Variants in CRACR2A observed in about 807,000 individuals in gnomAD.
The protein encoded by CRACR2A is calcium release activated channel regulator 2A, also known as EF-hand calcium-binding domain-containing protein 4B.
Under a neutral mutation model 90.5 loss-of-function variants are expected in CRACR2A, and 79 were observed. That is an observed-to-expected ratio of 0.87 (90% CI 0.73 to 1.05). The LOEUF (loss-of-function observed/expected upper bound fraction) is 1.05, where lower values mean the gene tolerates loss of function less well. Among genes scored for constraint, CRACR2A ranks in the 50% least tolerant of loss-of-function variants. The probability of loss-of-function intolerance (pLI) is 0.00; values close to 1 mark genes in which losing one functional copy is unlikely to be tolerated. For synonymous variants in CRACR2A, 338 were observed against 356.7 expected, an observed-to-expected ratio of 0.95 and a Z score of 0.59; for missense variants, 823 against 897.2, an observed-to-expected ratio of 0.92 and a Z score of 1.06.
chr12:3,698,022 T>G (rs1299619030), intron 3 of CRACR2A, among the ~76,000 whole-genome samples: 1 of 152,180 alleles, frequency 6.6e-6, no homozygotes, highest in Non-Finnish European at 1.5e-5. Context: ...TCCTTATCTG[T>G]ATGAGGAGAA....
chr12:3,634,897 T>G (rs530169803), intron 14 of CRACR2A, among the ~76,000 whole-genome samples: 1 of 152,314 alleles, frequency 6.6e-6, no homozygotes, highest in South Asian at 2.1e-4. Flanking sequence ...TCAAAAACTA[T>G]GCCTCCTGCC....
At chr12:3,751,002 AT>A (rs1285813322) in intron 1 of CRACR2A, among the ~76,000 whole-genome samples, 1 of 152,214 alleles carries the variant, frequency 6.6e-6, no homozygotes, top group East Asian at 1.9e-4. Flanking sequence ...AATCGCCATC[AT>A]CTTGGTCTCT....
intron 1 of CRACR2A, among the ~76,000 whole-genome samples, chr12:3,737,496 C>A (rs1174504294): frequency 6.6e-6 from 1 of 152,076 alleles, no homozygotes; most frequent in African/African-American, 2.4e-5. Context: ...ATGACTTTGG[C>A]TGCTTGTGGG....
intron 4 of CRACR2A, among the ~76,000 whole-genome samples, chr12:3,693,409 G>A (rs971030148): frequency 6.6e-6 from 1 of 152,234 alleles, no homozygotes; most frequent in Non-Finnish European, 1.5e-5. Context: ...GGACAAGACC[G>A]CCCTGCAGAG....
At chr12:3,637,573 C>T (rs2137351808) in intron 14 of CRACR2A, among the ~76,000 whole-genome samples, 1 of 152,272 alleles carries the variant, frequency 6.6e-6, no homozygotes, top group Non-Finnish European at 1.5e-5. Context: ...TACCAGCTCA[C>T]ATTTCTTTCC....
intron 11 of CRACR2A, among the ~76,000 whole-genome samples, chr12:3,645,310 C>G (rs1440691636): frequency 1.3e-5 from 2 of 152,156 alleles, no homozygotes; most frequent in African/African-American, 4.8e-5. Flanking sequence ...AGAGGAGAGG[C>G]TAGGGCAAAG....
intron 12 of CRACR2A, among the ~76,000 whole-genome samples, chr12:3,642,141 G>A (rs980529827): frequency 6.6e-6 from 1 of 152,108 alleles, no homozygotes; most frequent in Non-Finnish European, 1.5e-5. Flanking sequence ...GAAGAGATAA[G>A]TGTTTAATGC....
intron 8 of CRACR2A, among the ~76,000 whole-genome samples, chr12:3,658,325 G>C (rs980356665): frequency 6.6e-6 from 1 of 152,088 alleles, no homozygotes; most frequent in African/African-American, 2.4e-5. Context: ...ATGCCCCATG[G>C]AGCTCAGCCT....
intron 1 of CRACR2A, among the ~76,000 whole-genome samples, chr12:3,744,903 GCGCAGTATA>G (rs1314778899): frequency 1.3e-5 from 2 of 152,260 alleles, no homozygotes; most frequent in African/African-American, 4.8e-5. Context: ...TACTGCCACT[GCGCAGTATA>G]CTTAAAATGG....
intron 17 of CRACR2A, among the ~76,000 whole-genome samples, chr12:3,620,753 T>C (rs1944114546): frequency 6.6e-6 from 1 of 152,234 alleles, no homozygotes; most frequent in African/African-American, 2.4e-5. Context: ...ATGGTATCTA[T>C]TGGTCAGATG....
chr12:3,630,599 G>C (rs932421920), intron 15 of CRACR2A, among the ~76,000 whole-genome samples: 1 of 152,198 alleles, frequency 6.6e-6, no homozygotes, highest in Non-Finnish European at 1.5e-5. Flanking sequence ...AAGAATGCTG[G>C]ACTCGGAGTC....
intron 2 of CRACR2A, among the ~76,000 whole-genome samples, chr12:3,724,939 A>G (rs1480614132): frequency 6.6e-6 from 1 of 152,172 alleles, no homozygotes; most frequent in African/African-American, 2.4e-5. Context: ...CTATTTTCCA[A>G]AATAGGACAG....
At chr12:3,656,202 G>T in intron 9 of CRACR2A, 109 bp downstream of exon 9, 3 of 1,021,502 alleles carry the variant, frequency 2.9e-6, no homozygotes, top group Non-Finnish European at 3.0e-6. Context: ...GTTCTTCTCA[G>T]GTTAAAAACT....
At chr12:3,631,781 C>A (rs1306895310) in intron 15 of CRACR2A, among the ~76,000 whole-genome samples, 1 of 152,156 alleles carries the variant, frequency 6.6e-6, no homozygotes, top group African/African-American at 2.4e-5. Flanking sequence ...GGCAGGGACC[C>A]CTCTCTGGGA....
At position 3,627,404 on chromosome 12, in the gene CRACR2A, C is replaced by T. The variant is rs530798132; in HGVS notation, c.1932+32G>A. The T allele has an allele frequency of 8.7e-6, 13 of 1,494,278 alleles. No homozygotes were observed. In the East Asian group the frequency reaches 3.2e-4, roughly 37 times the overall value. The allele number at this position is 1,494,278 out of a possible 1,614,324, so 92.6% of individuals were successfully genotyped here. A position where few individuals can be genotyped will look rare whatever the true frequency, so the allele number is the denominator to read the frequency against. The stretch of plus-strand genomic sequence containing the variant: ...GAAGAAAAAAGAAGCCACAGTCAAG[C>T]CTAAATGCTCCTAGGAAGGTCGCCA... On this transcript the variant is annotated intron_variant, in intron 17 of 19. Transcript: ENST00000440314.
chr12:3,745,867 C>T (rs1946618090), intron 1 of CRACR2A, among the ~76,000 whole-genome samples: 1 of 139,898 alleles, frequency 7.1e-6, no homozygotes, highest in South Asian at 2.4e-4. Flanking sequence ...GAAATAGTAT[C>T]TTTGACAAAC....
chr12:3,666,452 T>C (rs1416063148), intron 7 of CRACR2A, among the ~76,000 whole-genome samples: 1 of 152,006 alleles, frequency 6.6e-6, no homozygotes, highest in African/African-American at 2.4e-5. Flanking sequence ...AGATGGGATA[T>C]GAAACAAGGA....
intron 10 of CRACR2A, among the ~76,000 whole-genome samples, chr12:3,650,559 C>T (rs1361343520): frequency 1.3e-5 from 2 of 152,280 alleles, no homozygotes; most frequent in Non-Finnish European, 2.9e-5. Context: ...GATGAGTGCT[C>T]CGTGAGCAGA....
At chr12:3,715,031 C>T (rs1946062282) in intron 2 of CRACR2A, among the ~76,000 whole-genome samples, 1 of 152,220 alleles carries the variant, frequency 6.6e-6, no homozygotes, top group South Asian at 2.1e-4. Flanking sequence ...AGCCCCAGAT[C>T]TGAACTCTCT....
Sources: gnomAD v4.1 joint callset for allele counts (sites outside exome capture counted in the v4.1 genomes callset) on GRCh38, gnomAD v4.1.1 for gene constraint, MANE v1.5 for transcripts, NCBI Gene and HGNC (gene_info 2026-07-23, HGNC 2026-07-21) for gene names.